Variants in SCHIP1 observed in about 807,000 individuals in gnomAD.
SCHIP1 encodes schwannomin-interacting protein 1.
Under a neutral mutation model 29.7 loss-of-function variants are expected in SCHIP1, and 8 were observed. The ratio of observed to expected loss-of-function variants is 0.27; its 90% CI spans 0.16 to 0.49. SCHIP1 has a LOEUF of 0.49. Among genes scored for constraint, SCHIP1 ranks in the 20% least tolerant of loss-of-function variants. SCHIP1 has a pLI of 0.99. For missense variants in SCHIP1, 193 were observed against 294.6 expected, an observed-to-expected ratio of 0.66 and a Z score of 2.52; for synonymous variants, 76 against 94.9, an observed-to-expected ratio of 0.80 and a Z score of 1.16.
At chr3:159,764,917 CGGGCGATCCAAAAGCCCCAGCCGGCTG>C in the SCHIP1 span, 9 of 1,522,506 alleles carry the variant, frequency 5.9e-6, no homozygotes, top group Admixed American at 2.0e-4. This position sits in a 1 kb window ranked among gnomAD's most constrained non-coding sequence, Gnocchi z 6.1. Context: ...GGGCCCCCGC[CGGGCGATCCAAAAGCCCCAGCCGGCTG>C]GGGGCCGGCG....
chr3:159,373,572 C>A, the SCHIP1 span, among the ~76,000 whole-genome samples: 3 of 152,060 alleles, frequency 2.0e-5, no homozygotes, highest in Admixed American at 6.6e-5. Context: ...CTATTTCCCT[C>A]AAATTCCCAG....
At chr3:159,358,736 T>C in the SCHIP1 span, among the ~76,000 whole-genome samples, 85 of 152,136 alleles carry the variant, frequency 5.6e-4, no homozygotes, top group Non-Finnish European at 9.3e-4. Flanking sequence ...TTGTATGTCA[T>C]GTAGGCTTAA....
chr3:159,592,455 C>T, the SCHIP1 span, among the ~76,000 whole-genome samples: 52 of 152,024 alleles, frequency 3.4e-4, 2 homozygotes, highest in African/African-American at 1.2e-3. Flanking sequence ...TTTTTCCTTC[C>T]TTCCCCATCC....
chr3:159,277,058 T>C, the SCHIP1 span, among the ~76,000 whole-genome samples: 2 of 152,194 alleles, frequency 1.3e-5, no homozygotes, highest in African/African-American at 4.8e-5. Flanking sequence ...ATACACATTT[T>C]GAATCCAACA....
At chr3:159,755,191 C>A in the SCHIP1 span, among the ~76,000 whole-genome samples, 2 of 152,080 alleles carry the variant, frequency 1.3e-5, no homozygotes, top group Non-Finnish European at 2.9e-5. Context: ...GCCAACATCA[C>A]GCCACTGGAC....
the SCHIP1 span, among the ~76,000 whole-genome samples, chr3:159,675,759 AAAG>A: frequency 6.6e-6 from 1 of 152,228 alleles, no homozygotes; most frequent in Non-Finnish European, 1.5e-5. Context: ...AAATCTATGC[AAAG>A]AAAAGTGCTG....
chr3:159,344,275 C>T, the SCHIP1 span, among the ~76,000 whole-genome samples: 11 of 147,796 alleles, frequency 7.4e-5, no homozygotes, highest in East Asian at 1.4e-3. Flanking sequence ...GAGCCGAGAT[C>T]GTGATATTGC....
At chr3:159,299,971 A>G in the SCHIP1 span, among the ~76,000 whole-genome samples, 1 of 151,990 alleles carries the variant, frequency 6.6e-6, no homozygotes. Flanking sequence ...GTAAAGCAAG[A>G]CCTTGGGGAG....
chr3:159,661,429 A>G, the SCHIP1 span, among the ~76,000 whole-genome samples: 3,903 of 152,216 alleles, frequency 0.026, 85 homozygotes, highest in East Asian at 0.072. Context: ...AGCCCCTACC[A>G]TGTGCCAATC....
At chr3:159,764,219 T>G in the SCHIP1 span, 1 of 487,164 alleles carries the variant, frequency 2.1e-6, no homozygotes, top group East Asian at 3.3e-5. The surrounding 1 kb of genome is among the most constrained non-coding windows in gnomAD (Gnocchi z 6.1). Flanking sequence ...CTTTGCTAAT[T>G]TGAGGGTTAG....
chr3:159,737,588 G>T, the SCHIP1 span, among the ~76,000 whole-genome samples: 5 of 152,108 alleles, frequency 3.3e-5, no homozygotes, highest in East Asian at 9.6e-4. Flanking sequence ...ATTGTAACAG[G>T]CACTGTGCTA....
chr3:159,554,044 GTA>G, the SCHIP1 span, among the ~76,000 whole-genome samples: 361 of 144,416 alleles, frequency 2.5e-3, 4 homozygotes, highest in African/African-American at 9.1e-3. Context: ...GTGTGTGTGT[GTA>G]TTTTTAGTAG....
At chr3:159,829,496 A>T in the SCHIP1 span, among the ~76,000 whole-genome samples, 1 of 152,238 alleles carries the variant, frequency 6.6e-6, no homozygotes, top group African/African-American at 2.4e-5. Flanking sequence ...AGTCCTGTAA[A>T]GCTGTGGTAA....
At chr3:159,457,304 A>T in the SCHIP1 span, among the ~76,000 whole-genome samples, 1 of 152,156 alleles carries the variant, frequency 6.6e-6, no homozygotes, top group Non-Finnish European at 1.5e-5. Context: ...TGTTAAATGT[A>T]TAAAGTGATA....
the SCHIP1 span, chr3:159,721,774 T>A: frequency 8.9e-6 from 4 of 449,898 alleles, no homozygotes; most frequent in Admixed American, 1.0e-4. Flanking sequence ...CTTCTTGTTC[T>A]GCTGTTCTTC....
At chr3:159,818,806 T>A in the SCHIP1 span, among the ~76,000 whole-genome samples, 49 of 152,372 alleles carry the variant, frequency 3.2e-4, no homozygotes, top group East Asian at 9.4e-3. Context: ...TTTGACAGCA[T>A]TTGGCTTTTG....
At chr3:159,396,126 G>T in the SCHIP1 span, among the ~76,000 whole-genome samples, 1 of 136,524 alleles carries the variant, frequency 7.3e-6, no homozygotes, top group South Asian at 2.5e-4. Context: ...TGTTTTATCA[G>T]AGACTAGGAT....
the SCHIP1 span, among the ~76,000 whole-genome samples, chr3:159,599,899 T>TCA: frequency 3.8e-4 from 58 of 151,896 alleles, no homozygotes; most frequent in Admixed American, 1.2e-3. Flanking sequence ...TCTTGCAGGG[T>TCA]CAGTCTATTG....
At chr3:159,843,263 T>C (rs1266146933) in intron 1 of SCHIP1, among the ~76,000 whole-genome samples, 1 of 151,972 alleles carries the variant, frequency 6.6e-6, no homozygotes, top group African/African-American at 2.4e-5. Context: ...TCTGCCCGCC[T>C]TGGCCTCCCA....
Sources: allele counts gnomAD v4.1 joint callset (sites outside exome capture counted in the v4.1 genomes callset), GRCh38; gene constraint gnomAD v4.1.1; non-coding constraint Gnocchi (gnomAD v3.1); transcripts MANE v1.5; gene names NCBI Gene and HGNC (gene_info 2026-07-23, HGNC 2026-07-21).